SGCZ: variants seen among roughly 807,000 people sequenced by gnomAD.
SGCZ encodes the protein sarcoglycan zeta.
Under a neutral mutation model 41.3 loss-of-function variants are expected in SGCZ, and 40 were observed. That is an observed-to-expected ratio of 0.97 (90% CI 0.75 to 1.26). SGCZ has a LOEUF of 1.26. SGCZ is among the 50% of genes most tolerant of loss of function. The pLI, the probability that SGCZ is intolerant of heterozygous loss-of-function variation, is 0.00. For missense variants in SGCZ, 552 were observed against 369.8 expected (o/e 1.49, Z -4.04); for synonymous variants, 206 against 137.5 (o/e 1.50, Z -3.49).
intron 5 of SGCZ, among the ~76,000 whole-genome samples, chr8:14,116,384 A>T (rs1210968280): frequency 6.6e-6 from 1 of 152,102 alleles, no homozygotes; most frequent in Non-Finnish European, 1.5e-5. Flanking sequence ...TAAAACATCA[A>T]AGTTTTACCT....
intron 1 of SGCZ, among the ~76,000 whole-genome samples, chr8:14,959,556 T>G (rs1046476983): frequency 1.3e-5 from 2 of 152,186 alleles, no homozygotes; most frequent in Non-Finnish European, 2.9e-5. Context: ...CAATAGCTAA[T>G]GCAGAATATC....
chr8:14,123,091 C>T (rs374244180), intron 5 of SGCZ, among the ~76,000 whole-genome samples: 8 of 152,190 alleles, frequency 5.3e-5, no homozygotes, highest in East Asian at 1.9e-4. Flanking sequence ...ATTACAAAGA[C>T]GTAAGAGAGA....
chr8:14,723,308 A>T (rs185283803), intron 1 of SGCZ, among the ~76,000 whole-genome samples: 56 of 152,356 alleles, frequency 3.7e-4, no homozygotes, highest in African/African-American at 1.3e-3. Flanking sequence ...CCTGAACACC[A>T]GGGCTTGTTC....
chr8:14,968,482 T>A (rs947161336), intron 1 of SGCZ, among the ~76,000 whole-genome samples: 1 of 152,100 alleles, frequency 6.6e-6, no homozygotes, highest in African/African-American at 2.4e-5. Flanking sequence ...CTATAGCAGA[T>A]CCTAGATTAG....
At chr8:15,045,227 C>T (rs1804258250) in intron 1 of SGCZ, among the ~76,000 whole-genome samples, 1 of 151,940 alleles carries the variant, frequency 6.6e-6, no homozygotes, top group African/African-American at 2.4e-5. Flanking sequence ...TTCAGATGGA[C>T]AAACAAGAGA....
intron 1 of SGCZ, among the ~76,000 whole-genome samples, chr8:15,032,558 C>T (rs1803714260): frequency 6.6e-6 from 1 of 152,074 alleles, no homozygotes; most frequent in Non-Finnish European, 1.5e-5. Flanking sequence ...CCTACAGACC[C>T]GGGATGCAGG....
intron 2 of SGCZ, among the ~76,000 whole-genome samples, chr8:14,520,591 C>T (rs1477454915): frequency 6.6e-6 from 1 of 151,940 alleles, no homozygotes; most frequent in Non-Finnish European, 1.5e-5. Flanking sequence ...AAATAATTGC[C>T]ATATAATAAT....
chr8:14,673,583 C>G lies in SGCZ; in HGVS notation c.40-118657G>C, dbSNP rs113595385. ...ATGTGGAACTGTGAGTCAATTAAACCTCTCTTATTTATAAATTACCCAGTC... is the reference window on the plus strand; with the variant it reads ...ATGTGGAACTGTGAGTCAATTAAACGTCTCTTATTTATAAATTACCCAGTC... On this transcript the variant is annotated intron_variant, in intron 1 of 7. Coordinates refer to ENST00000382080, the MANE Select transcript of SGCZ (RefSeq NM_139167.4). 7.6e-3 allele frequency among the ~76,000 whole-genome samples: 1,154 copies of G among 152,176 alleles called. 16 individuals are homozygous for G. The highest frequency in any genetic ancestry group is 0.02 in the Middle Eastern group (6 of 294).
At chr8:15,210,428 C>T (rs930127220) in intron 1 of SGCZ, among the ~76,000 whole-genome samples, 1 of 152,094 alleles carries the variant, frequency 6.6e-6, no homozygotes, top group Non-Finnish European at 1.5e-5. Flanking sequence ...TCTCCAATTT[C>T]CCACTGTGTC....
chr8:15,199,795 G>T (rs533382792), intron 1 of SGCZ, among the ~76,000 whole-genome samples: 1 of 152,034 alleles, frequency 6.6e-6, no homozygotes. Context: ...ATAAATTATG[G>T]TTATGAAACC....
intron 5 of SGCZ, among the ~76,000 whole-genome samples, chr8:14,151,029 T>C (rs971955432): frequency 1.3e-5 from 2 of 152,056 alleles, no homozygotes; most frequent in African/African-American, 4.8e-5. Flanking sequence ...CTGGGAATGG[T>C]AGTGGGGATG....
intron 1 of SGCZ, among the ~76,000 whole-genome samples, chr8:15,111,432 C>A (rs1807048544): frequency 6.6e-6 from 1 of 152,134 alleles, no homozygotes; most frequent in African/African-American, 2.4e-5. Flanking sequence ...TCTGATTGGC[C>A]AAGGACCAAT....
intron 1 of SGCZ, among the ~76,000 whole-genome samples, chr8:15,235,282 T>G (rs7845064): frequency 0.015 from 2,256 of 152,346 alleles, 48 homozygotes; most frequent in African/African-American, 0.051. Flanking sequence ...GCCTTCGTAT[T>G]CCACAAGTGT....
chr8:14,448,152 A>G (rs1551810), intron 2 of SGCZ, among the ~76,000 whole-genome samples: 74,682 of 152,008 alleles, frequency 0.49, 18,935 homozygotes, highest in African/African-American at 0.6. Flanking sequence ...GATATCCACA[A>G]GAAAGCACAA....
chr8:14,818,467 T>C (rs1054242333), intron 1 of SGCZ, among the ~76,000 whole-genome samples: 8 of 151,850 alleles, frequency 5.3e-5, no homozygotes, highest in African/African-American at 1.7e-4. Flanking sequence ...AACCCATCCA[T>C]AGGAAAAATT....
rs1162220883 is a variant in SGCZ, at chr8:15,163,070, A to AGAT, written c.39+74512_39+74514dup. 7.9e-5 allele frequency among the ~76,000 whole-genome samples: 12 copies of AGAT among 152,344 alleles called. No homozygotes were observed. In the East Asian group the frequency reaches 2.1e-3, roughly 27 times the overall value. ...GTATGCTATGACTAGGACTGCAGACAGATCACCAAAGAACTGGACGCCTTT... is the reference window on the plus strand; with the variant it reads ...GTATGCTATGACTAGGACTGCAGACAGATGATCACCAAAGAACTGGACGCCTTT... On this transcript the variant is annotated intron_variant, in intron 1 of 7. Transcript: ENST00000382080.
At chr8:14,568,997 C>T (rs1228116563) in intron 1 of SGCZ, among the ~76,000 whole-genome samples, 1 of 152,114 alleles carries the variant, frequency 6.6e-6, no homozygotes, top group Non-Finnish European at 1.5e-5. Flanking sequence ...ATTGGAAAAG[C>T]TGTACCTGTT....
At chr8:15,123,769 T>C (rs1256611249) in intron 1 of SGCZ, among the ~76,000 whole-genome samples, 1 of 152,182 alleles carries the variant, frequency 6.6e-6, no homozygotes, top group Non-Finnish European at 1.5e-5. Flanking sequence ...ATAGGAAACA[T>C]AATGCGATAA....
chr8:14,712,757 C>T (rs7833574), intron 1 of SGCZ, among the ~76,000 whole-genome samples: 8,259 of 152,104 alleles, frequency 0.054, 754 homozygotes, highest in African/African-American at 0.19. Context: ...CTAACTCAGA[C>T]GCAACATCTC....
Sources: allele counts gnomAD v4.1 joint callset (sites outside exome capture counted in the v4.1 genomes callset), GRCh38; gene constraint gnomAD v4.1.1; transcripts MANE v1.5; gene names NCBI Gene and HGNC (gene_info 2026-07-23, HGNC 2026-07-21).